Variants in GTF2IRD1 observed in about 807,000 individuals in gnomAD.
The protein encoded by GTF2IRD1 is GTF2I repeat domain containing 1.
A neutral mutation model predicts 113.2 loss-of-function variants in GTF2IRD1; 26 were observed. That is an observed-to-expected ratio of 0.23 (90% CI 0.17 to 0.32). The LOEUF is 0.32. Among genes scored for constraint, GTF2IRD1 ranks in the 10% least tolerant of loss-of-function variants. The pLI is 1.00. For missense variants in GTF2IRD1, 864 were observed against 1,280.8 expected (o/e 0.67, Z 4.97); for synonymous variants, 484 against 529.1 (o/e 0.91, Z 1.17).
intron 13 of GTF2IRD1, 133 bp downstream of exon 13, chr7:74,538,893 A>C (rs1583830515): frequency 1.6e-6 from 1 of 622,242 alleles, no homozygotes; most frequent in Admixed American, 2.8e-5. Context: ...CCATCGGGGT[A>C]CTGTGAATGC....
At chr7:74,474,883 C>G (rs371318283) in intron 1 of GTF2IRD1, among the ~76,000 whole-genome samples, 3 of 152,114 alleles carry the variant, frequency 2.0e-5, no homozygotes, top group African/African-American at 7.2e-5. Context: ...GAGGTTGAGG[C>G]GGGAAGACTG....
At chr7:74,503,870 A>T (rs192903959) in intron 1 of GTF2IRD1, among the ~76,000 whole-genome samples, 2 of 152,204 alleles carry the variant, frequency 1.3e-5, no homozygotes, top group Non-Finnish European at 2.9e-5. Flanking sequence ...GGCAGTGAGC[A>T]TAGCACCCAA....
At chr7:74,516,493 G>C (rs1168238307) in intron 4 of GTF2IRD1, among the ~76,000 whole-genome samples, 5 of 152,364 alleles carry the variant, frequency 3.3e-5, no homozygotes, top group African/African-American at 1.2e-4. Flanking sequence ...CAGGGCCCCA[G>C]TGGTGGTCTT....
intron 1 of GTF2IRD1, among the ~76,000 whole-genome samples, chr7:74,502,616 C>A (rs1246535365): frequency 1.3e-5 from 2 of 152,242 alleles, no homozygotes; most frequent in Admixed American, 6.5e-5. Flanking sequence ...GCAGCCCTGC[C>A]TTGAGTCAGG....
intron 1 of GTF2IRD1, among the ~76,000 whole-genome samples, chr7:74,469,476 A>T (rs139880369): frequency 6.6e-6 from 1 of 151,798 alleles, no homozygotes; most frequent in African/African-American, 2.4e-5. Context: ...TTTACTTTCC[A>T]TCTCTGTAGA....
chr7:74,469,446 C>T (rs1793955326), intron 1 of GTF2IRD1, among the ~76,000 whole-genome samples: 1 of 152,084 alleles, frequency 6.6e-6, no homozygotes, highest in Admixed American at 6.6e-5. Flanking sequence ...CCTCCTCCCC[C>T]ATCCCCTGGC....
chr7:74,589,999 G>A lies in GTF2IRD1; in HGVS notation c.2398+71G>A, dbSNP rs587659185. On this transcript the variant is annotated intron_variant, in intron 23 of 26. Coordinates refer to ENST00000424337, the MANE Select transcript of GTF2IRD1 (RefSeq NM_005685.4). ...GGGTGGTGGGGGGCCTCCCTCTGCA[G>A]CCAGCCTGGCTTTCAGGAGCCCCCA... 46 of 971,446 alleles carry A rather than the reference G, an allele frequency of 4.7e-5. 1 individual carries two copies. Among genetic ancestry groups the A allele is most frequent in the Non-Finnish European group, 6.8e-5 (42 of 617,528 alleles). 60.2% of individuals were successfully genotyped at this position (971,446 alleles called of 1,614,324 possible).
At chr7:74,510,603 CT>C (rs1229851944) in intron 2 of GTF2IRD1, among the ~76,000 whole-genome samples, 7 of 152,138 alleles carry the variant, frequency 4.6e-5, no homozygotes, top group East Asian at 1.9e-4. Context: ...GCCACTGCCC[CT>C]GATTCATTTA....
intron 1 of GTF2IRD1, among the ~76,000 whole-genome samples, chr7:74,472,771 TAATCAATC>T (rs797041822): frequency 5.4e-4 from 82 of 152,176 alleles, no homozygotes; most frequent in African/African-American, 1.9e-3. Flanking sequence ...AATAAATAAA[TAATCAATC>T]AATCAATCCA....
At chr7:74,472,095 T>C (rs1316239714) in intron 1 of GTF2IRD1, among the ~76,000 whole-genome samples, 1 of 152,224 alleles carries the variant, frequency 6.6e-6, no homozygotes, top group Non-Finnish European at 1.5e-5. Flanking sequence ...AAAAGGGGCC[T>C]GGCCTGGAAC....
At position 74,512,989 on chromosome 7, in the gene GTF2IRD1, C is replaced by A; in HGVS notation, c.265+18C>A. 1 of 1,608,028 alleles carries A rather than the reference C, an allele frequency of 6.2e-7. No homozygotes were observed. ...GTTCTGCCGTGAGTACCCCAGGGCTCCGGAGGGCCGGGCCCGCCATTTCCC... is the reference window on the plus strand; with the variant it reads ...GTTCTGCCGTGAGTACCCCAGGGCTACGGAGGGCCGGGCCCGCCATTTCCC... On this transcript the variant is annotated intron_variant, in intron 3 of 26. Coordinates refer to ENST00000424337, the MANE Select transcript of GTF2IRD1 (RefSeq NM_005685.4). This position sits in a 1 kb window ranked among gnomAD's most constrained non-coding sequence, Gnocchi z 4.4.
intron 1 of GTF2IRD1, among the ~76,000 whole-genome samples, chr7:74,499,671 GAAAT>G (rs782211515): frequency 1.1e-4 from 16 of 151,576 alleles, no homozygotes; most frequent in South Asian, 2.1e-4. Flanking sequence ...CACACACCAA[GAAAT>G]GAATGAATGA....
intron 1 of GTF2IRD1, among the ~76,000 whole-genome samples, chr7:74,465,981 G>T (rs1044238310): frequency 1.3e-5 from 2 of 152,200 alleles, no homozygotes; most frequent in African/African-American, 4.8e-5. Flanking sequence ...ATGTTGCCCA[G>T]GCTGGTCTTG....
intron 9 of GTF2IRD1, among the ~76,000 whole-genome samples, chr7:74,531,708 C>A (rs1303810318): frequency 6.6e-6 from 1 of 151,822 alleles, no homozygotes. Context: ...CGTAGCAAGA[C>A]CCCATCTCCA....
At chr7:74,601,330 G>A in intron 26 of GTF2IRD1, 150 bp downstream of exon 26, 5 of 1,537,080 alleles carry the variant, frequency 3.3e-6, no homozygotes, top group Non-Finnish European at 4.4e-6. Flanking sequence ...GGTTATAGAT[G>A]CATCCACCTG....
chr7:74,515,270 G>T, intron 3 of GTF2IRD1, 171 bp from the exon 4 acceptor site: 1 of 1,371,878 alleles, frequency 7.3e-7, no homozygotes, highest in Non-Finnish European at 9.9e-7. Context: ...CCCTCAGTGG[G>T]GTGGTTGGAA....
intron 22 of GTF2IRD1, among the ~76,000 whole-genome samples, chr7:74,563,971 C>T (rs1554359843): frequency 6.6e-6 from 1 of 151,996 alleles, no homozygotes; most frequent in African/African-American, 2.4e-5. Flanking sequence ...CTAACAGAAC[C>T]ACCCCGAGAA....
intron 25 of GTF2IRD1, among the ~76,000 whole-genome samples, chr7:74,599,572 C>A (rs1802623449): frequency 6.6e-6 from 1 of 152,196 alleles, no homozygotes; most frequent in Non-Finnish European, 1.5e-5. Context: ...GAACTTAGGA[C>A]TTCTGATTCT....
At position 74,512,014 on chromosome 7, in the gene GTF2IRD1, C is replaced by T. The variant is rs1459270657; in HGVS notation, c.124-816C>T. On this transcript the variant is annotated intron_variant, in intron 2 of 26. Transcript: ENST00000424337. The surrounding 1 kb of genome is among the most constrained non-coding windows in gnomAD (Gnocchi z 4.4). Reference sequence around the variant, plus strand: ...CAACCATTGAATCCCCATACCCAAGCCCAGTGGCACTGTGGAACTGGGCTG... The same window carrying T: ...CAACCATTGAATCCCCATACCCAAGTCCAGTGGCACTGTGGAACTGGGCTG... Among the ~76,000 whole-genome samples, 1 of 152,154 alleles carries T rather than the reference C, an allele frequency of 6.6e-6. No individual in the cohort carries two copies. Among genetic ancestry groups the T allele is most frequent in the Admixed American group, 6.5e-5 (1 of 15,272 alleles).
Sources: allele counts gnomAD v4.1 joint callset (sites outside exome capture counted in the v4.1 genomes callset), GRCh38; gene constraint gnomAD v4.1.1; non-coding constraint Gnocchi (gnomAD v3.1); transcripts MANE v1.5; gene names NCBI Gene and HGNC (gene_info 2026-07-23, HGNC 2026-07-21).